Variants in SATL1 observed in about 807,000 individuals in gnomAD.
SATL1 encodes the protein spermidine/spermine N1-acetyl transferase like 1, also known as spermidine/spermine N(1)-acetyltransferase-like protein 1.
Under a neutral mutation model 51.8 loss-of-function variants are expected in SATL1, and 47 were observed. That is an observed-to-expected ratio of 0.91 (90% confidence interval 0.72 to 1.16). The LOEUF is 1.16. SATL1 is among the 50% of genes most tolerant of loss of function. The probability of loss-of-function intolerance (pLI) is 0.00; values close to 1 mark genes in which losing one functional copy is unlikely to be tolerated. For synonymous variants in SATL1, 176 were observed against 182.4 expected (o/e 0.97, Z 0.28); for missense variants, 520 against 526.4 (o/e 0.99, Z 0.12).
At chrX:85,218,106 G>A (rs1401260837) in intron 2 of SATL1, among the ~76,000 whole-genome samples, 1 of 108,599 alleles carries the variant, frequency 9.2e-6, no homozygotes, top group Non-Finnish European at 1.9e-5. Context: ...AGACACTGGG[G>A]ATCACTTTAG....
intron 4 of SATL1, among the ~76,000 whole-genome samples, chrX:85,097,577 A>G (rs900667378): frequency 2.7e-5 from 3 of 111,676 alleles, no homozygotes; most frequent in African/African-American, 9.8e-5. Context: ...CCTGGCCTCA[A>G]GTGATCCACC....
rs151315778 is a variant in SATL1 at position 85,182,395 on chromosome X, T to C, written c.-313+41810A>G. On this transcript the variant is annotated intron_variant, in intron 2 of 7. Transcript: ENST00000644105. ...ATTAACATAATGTTCTCCAGTTACATCCATGTTGCCAGGAATGACAGGATT... is the reference window on the plus strand; with the variant it reads ...ATTAACATAATGTTCTCCAGTTACACCCATGTTGCCAGGAATGACAGGATT... 9.4e-3 allele frequency among the ~76,000 whole-genome samples: 1,055 copies of C among 111,916 alleles called. 10 individuals carry two copies. Among genetic ancestry groups the C allele is most frequent in the Middle Eastern group, 0.047 (10 of 213 alleles).
intron 2 of SATL1, among the ~76,000 whole-genome samples, chrX:85,147,443 C>T (rs2147718109): frequency 8.7e-6 from 1 of 114,383 alleles, no homozygotes; most frequent in South Asian, 3.4e-4. Context: ...TTAAATGTCC[C>T]TGTCTGACAG....
At chrX:85,193,244 A>T (rs913726023) in intron 2 of SATL1, among the ~76,000 whole-genome samples, 2 of 112,020 alleles carry the variant, frequency 1.8e-5, no homozygotes, top group Admixed American at 1.9e-4. Flanking sequence ...AGGAAAAATG[A>T]TGATGGTACA....
At chrX:85,174,647 T>A (rs763678047) in intron 2 of SATL1, among the ~76,000 whole-genome samples, 2 of 111,325 alleles carry the variant, frequency 1.8e-5, no homozygotes, top group South Asian at 7.5e-4. Flanking sequence ...ACACCAGAAA[T>A]CTAAGAGAAT....
At chrX:85,151,840 T>C (rs183768048) in intron 2 of SATL1, among the ~76,000 whole-genome samples, 10,879 of 111,529 alleles carry the variant, frequency 0.098, 534 homozygotes, top group South Asian at 0.17. Context: ...TACTTAAATG[T>C]TAGACCTAAA....
At chrX:85,198,935 T>G (rs1927633808) in intron 2 of SATL1, among the ~76,000 whole-genome samples, 1 of 109,109 alleles carries the variant, frequency 9.2e-6, no homozygotes, top group African/African-American at 3.3e-5. Flanking sequence ...GCCTCCCTGG[T>G]TCAAGTGATT....
rs747345155 is a variant in SATL1 at position 85,162,132 on chromosome X, A to T, written c.-312-52852T>A. Among the ~76,000 whole-genome samples the T allele has an allele frequency of 2.7e-5, 3 of 112,231 alleles. No individual in the cohort carries two copies. The South Asian group carries it at 1.1e-3, about 41-fold the overall frequency. On this transcript the variant is annotated intron_variant, in intron 2 of 7. Coordinates refer to ENST00000644105, the MANE Select transcript of SATL1 (RefSeq NM_001367857.2). ...TGAAACTAATGAGAACAAAGACACA[A>T]CATACCAGAATCTCTGAGATACAGC...
intron 4 of SATL1, among the ~76,000 whole-genome samples, chrX:85,097,121 C>T (rs1326311192): frequency 9.0e-6 from 1 of 110,825 alleles, no homozygotes; most frequent in Non-Finnish European, 1.9e-5. Flanking sequence ...TTTTCAAACA[C>T]AGATCAAAAA....
At chrX:85,197,485 T>C (rs1396488636) in intron 2 of SATL1, among the ~76,000 whole-genome samples, 3 of 110,492 alleles carry the variant, frequency 2.7e-5, no homozygotes, top group African/African-American at 9.9e-5. Flanking sequence ...TTTATTTATT[T>C]ATTTATTTAT....
chrX:85,178,782 C>G (rs780675015), intron 2 of SATL1, among the ~76,000 whole-genome samples: 1 of 111,402 alleles, frequency 9.0e-6, no homozygotes, highest in South Asian at 3.7e-4. Context: ...TACCACCTCA[C>G]TCACCATGAA....
intron 2 of SATL1, chrX:85,211,101 G>A (rs35949390): frequency 1.8e-5 from 2 of 111,441 alleles, no homozygotes; most frequent in Non-Finnish European, 3.8e-5. Flanking sequence ...AAATCAAAGG[G>A]CAATGAATTA....
rs981723396 is a variant in SATL1, at chrX:85,221,819, T to C, written c.-313+2386A>G. 2.7e-5 allele frequency among the ~76,000 whole-genome samples: 3 copies of C among 112,138 alleles called. No homozygotes were observed. In the South Asian group the frequency reaches 1.1e-3, roughly 42 times the overall value. Reference sequence around the variant, plus strand: ...ACTCCTTTATTTATACTGAGAATCATGTAGGGCCAGACCCTGGGTGGTAGG... The same window carrying C: ...ACTCCTTTATTTATACTGAGAATCACGTAGGGCCAGACCCTGGGTGGTAGG... On this transcript the variant is annotated intron_variant, in intron 2 of 7. Transcript: ENST00000644105.
chrX:85,240,585 T>A (rs988772604), intron 1 of SATL1, among the ~76,000 whole-genome samples: 2 of 111,576 alleles, frequency 1.8e-5, no homozygotes, highest in African/African-American at 6.5e-5. Context: ...GATACTGATT[T>A]TTTTTTTCTT....
intron 2 of SATL1, among the ~76,000 whole-genome samples, chrX:85,151,945 C>G (rs1410878051): frequency 2.7e-5 from 3 of 110,331 alleles, no homozygotes; most frequent in Non-Finnish European, 3.8e-5. Flanking sequence ...ACAATGGCAA[C>G]AAAAGCCAAA....
intron 2 of SATL1, among the ~76,000 whole-genome samples, chrX:85,147,267 G>C (rs183156775): frequency 7.3e-4 from 66 of 90,269 alleles, no homozygotes; most frequent in African/African-American, 2.5e-3. Flanking sequence ...AAGGCTGGGG[G>C]AGGGGTGCCC....
At position 85,123,558 on chromosome X, in the gene SATL1, G is replaced by A. The variant is rs181772435; in HGVS notation, c.-312-14278C>T. Among the ~76,000 whole-genome samples the A allele has an allele frequency of 2.5e-3, 282 of 111,539 alleles. 1 individual carries two copies. Among genetic ancestry groups the A allele is most frequent in the Non-Finnish European group, 3.0e-3 (158 of 52,994 alleles). ...TTGTTTAAGTTCCTTATGGATTCTG[G>A]ATGTTAGACCTTTGCTGGATGCATA... On this transcript the variant is annotated intron_variant, in intron 2 of 7. Transcript: ENST00000644105.
At chrX:85,145,899 C>CTTT (rs34920295) in intron 2 of SATL1, among the ~76,000 whole-genome samples, 3 of 96,665 alleles carry the variant, frequency 3.1e-5, no homozygotes, top group Non-Finnish European at 6.2e-5. Flanking sequence ...ACAGTATATT[C>CTTT]TTTTTTTTTT....
chrX:85,226,497 T>C (rs1485541602), intron 1 of SATL1, among the ~76,000 whole-genome samples: 1 of 111,312 alleles, frequency 9.0e-6, no homozygotes, highest in Non-Finnish European at 1.9e-5. Flanking sequence ...CACTCTACTA[T>C]ATGCCAGTTA....
Sources: gnomAD v4.1 joint callset for allele counts (sites outside exome capture counted in the v4.1 genomes callset) on GRCh38, gnomAD v4.1.1 for gene constraint, MANE v1.5 for transcripts, NCBI Gene and HGNC (gene_info 2026-07-23, HGNC 2026-07-21) for gene names.